STAT1: variants seen among roughly 807,000 people sequenced by gnomAD.
The protein encoded by STAT1 is signal transducer and activator of transcription 1.
STAT1 carries 24 observed loss-of-function variants against 111.7 expected under a neutral mutation model. That is an observed-to-expected ratio of 0.21 (90% CI 0.16 to 0.30). The LOEUF (loss-of-function observed/expected upper bound fraction) is 0.30, where lower values mean the gene tolerates loss of function less well. Ranked by LOEUF, STAT1 falls within the 10% of genes least tolerant of loss-of-function variation. The pLI is 1.00. For synonymous variants in STAT1, 332 were observed against 326.5 expected (o/e 1.02, Z -0.18); for missense variants, 351 against 911.9 (o/e 0.38, Z 7.92).
rs765862615 is a variant in STAT1, at chr2:190,991,284, C to T, written c.981G>A (p.Thr327=). The stretch of plus-strand genomic sequence containing the variant: ...TCAAGACCAGCGGCCTCTGAGGGTG[C>T]GTTGGCATGCAGGGCTGTCTTTCCA... ...FVVERQPCMP[T]HPQRPLVLKT... Residue 327 remains threonine (T), a synonymous_variant, in exon 11 of 25, where the codon ACG becomes ACA. Transcript: ENST00000361099. 8.7e-6 allele frequency: 14 copies of T among 1,614,030 alleles called. No homozygotes were observed. Among genetic ancestry groups the T allele is most frequent in the Admixed American group, 3.3e-5 (2 of 60,002 alleles).
Position 190,984,413 on chromosome 2 carries a change from GAAGAA to G in STAT1, c.1264-25_1264-21del, listed in dbSNP as rs762315597. On this transcript the variant is annotated intron_variant, in intron 15 of 24. Coordinates refer to ENST00000361099, the MANE Select transcript of STAT1 (RefSeq NM_007315.4). This position sits in a 1 kb window ranked among gnomAD's most constrained non-coding sequence, Gnocchi z 5.2. Reference sequence around the variant, plus strand: ...AGGACCCTTGGAAGAGAAAAGGAAAGAAGAAAAGAATATAATTATTCACAGATCCT... The same window carrying G: ...AGGACCCTTGGAAGAGAAAAGGAAAGAAGAATATAATTATTCACAGATCCT... 5.6e-6 allele frequency: 9 copies of G among 1,596,816 alleles called. No homozygotes were observed. Among genetic ancestry groups the G allele is most frequent in the Non-Finnish European group, 7.7e-6 (9 of 1,164,654 alleles).
Position 190,974,966 on chromosome 2 carries a change from C to T in STAT1, c.2136-34G>A. On this transcript the variant is annotated intron_variant, in intron 23 of 24. Coordinates refer to ENST00000361099, the MANE Select transcript of STAT1 (RefSeq NM_007315.4). This position sits in a 1 kb window ranked among gnomAD's most constrained non-coding sequence, Gnocchi z 4.8. ...GGGAAAAAGAAAAGAGCAATGTCAA[C>T]ATCTGAGTGATGAAAGCACTAGTGC... 1 of 1,490,620 alleles carries T rather than the reference C, an allele frequency of 6.7e-7. No homozygotes were observed. The allele number at this position is 1,490,620 out of a possible 1,614,324, so 92.3% of individuals were successfully genotyped here.
chr2:190,995,975 G>C lies in STAT1; in HGVS notation c.786-756C>G, dbSNP rs771708265. Among the ~76,000 whole-genome samples the C allele has an allele frequency of 6.6e-6, 1 of 152,138 alleles. No individual in the cohort carries two copies. The highest frequency in any genetic ancestry group is 1.5e-5 in the Non-Finnish European group (1 of 68,016). On this transcript the variant is annotated intron_variant, in intron 9 of 24. Coordinates refer to ENST00000361099, the MANE Select transcript of STAT1 (RefSeq NM_007315.4). The surrounding 1 kb of genome is among the most constrained non-coding windows in gnomAD (Gnocchi z 4.2). ...AAGAGGCAGCAAAGAGCCACTGCAG[G>C]TTCTGTCAAGAGAGTGGCATCAGCA...
chr2:191,002,137 CT>C (rs898061245), intron 5 of STAT1, among the ~76,000 whole-genome samples: 52 of 152,252 alleles, frequency 3.4e-4, no homozygotes, highest in African/African-American at 1.2e-3. Flanking sequence ...GCAAGGTTTC[CT>C]TTTTTTCTTT....
chr2:190,983,563 G>A lies in STAT1; in HGVS notation c.1446+79C>T. The stretch of plus-strand genomic sequence containing the variant: ...CTTCTCCCTTAACAACTGGCCATTG[G>A]GGCTATTTCAGAGATGCAGCAGTGA... On this transcript the variant is annotated intron_variant, in intron 17 of 24. Transcript: ENST00000361099. The surrounding 1 kb of genome is among the most constrained non-coding windows in gnomAD (Gnocchi z 5.7). 1 of 1,264,186 alleles carries A rather than the reference G, an allele frequency of 7.9e-7. No homozygotes were observed. Among genetic ancestry groups the A allele is most frequent in the Middle Eastern group, 1.9e-4 (1 of 5,138 alleles). The allele number at this position is 1,264,186 out of a possible 1,614,324, so 78.3% of individuals were successfully genotyped here.
intron 10 of STAT1, among the ~76,000 whole-genome samples, chr2:190,994,348 G>A (rs1388667749): frequency 1.3e-5 from 2 of 152,142 alleles, no homozygotes; most frequent in African/African-American, 2.4e-5. Context: ...AGGTGATGAG[G>A]AACCAGAATG....
In STAT1 at chr2:190,987,938, G is replaced by A. The variant is rs149587807; in HGVS notation, c.1098-870C>T. 8.1e-4 allele frequency among the ~76,000 whole-genome samples: 124 copies of A among 152,352 alleles called. No homozygotes were observed. The highest frequency in any genetic ancestry group is 2.8e-3 in the African/African-American group (116 of 41,580). ...CTGACTTGTCAAAGCTAAGAAGACC[G>A]TCAGAGCTGGAACCGACAGAAAAGA... On this transcript the variant is annotated intron_variant, in intron 12 of 24. Coordinates refer to ENST00000361099, the MANE Select transcript of STAT1 (RefSeq NM_007315.4). The surrounding 1 kb of genome is among the most constrained non-coding windows in gnomAD (Gnocchi z 4.0).
In STAT1 at chr2:190,980,251, G is replaced by T. The variant is rs117475731; in HGVS notation, c.1632+369C>A. On this transcript the variant is annotated intron_variant, in intron 19 of 24. Transcript: ENST00000361099. This position sits in a 1 kb window ranked among gnomAD's most constrained non-coding sequence, Gnocchi z 6.1. ...CAGAATCTAAATGTTCCCCGCAGTG[G>T]GCCCCTCTGCTCGAGCAGGCCGTTA... Among the ~76,000 whole-genome samples, 277 of 152,370 alleles carry T rather than the reference G, an allele frequency of 1.8e-3. 3 individuals are homozygous for T. In the East Asian group the frequency reaches 0.045, roughly 25 times the overall value.
intron 10 of STAT1, chr2:190,992,793 CT>C (rs112075173): frequency 0.11 from 42,142 of 370,084 alleles, 3 homozygotes; most frequent in East Asian, 0.15. Context: ...TGCATTCTTT[CT>C]TTTTTTTTTT....
At chr2:191,009,797 A>G in intron 3 of STAT1, 79 bp downstream of exon 3, 1 of 1,571,488 alleles carries the variant, frequency 6.4e-7, no homozygotes, top group Non-Finnish European at 8.7e-7. Flanking sequence ...ATCTTCCAGT[A>G]AACATGGCCC....
chr2:191,008,008 T>C (rs753051016), intron 4 of STAT1: 25 of 463,992 alleles, frequency 5.4e-5, no homozygotes, highest in Non-Finnish European at 1.1e-4. Context: ...ATAAAAACTA[T>C]ACATGACATT....
rs1694805838 is a variant in STAT1 at position 191,007,640 on chromosome 2, T to C, written c.295A>G (p.Ile99Val). 8 of 1,613,376 alleles carry C rather than the reference T, an allele frequency of 5.0e-6. No homozygotes were observed. Among genetic ancestry groups the C allele is most frequent in the Non-Finnish European group, 6.8e-6 (8 of 1,179,714 alleles). The change falls in exon 5 of 25, where the codon ATC (isoleucine) becomes GTC (valine). Residue 99 changes from isoleucine to valine, a missense_variant. Coordinates refer to ENST00000361099, the MANE Select transcript of STAT1 (RefSeq NM_007315.4). The surrounding 1 kb of genome is among the most constrained non-coding windows in gnomAD (Gnocchi z 4.2). ...CTGTAAATGATCATAGACATCTGGA[T>C]TGGGTCTTCCTGAAAATTATCCTAG... The part of the protein sequence containing the change: ...NLQDNFQEDP[I>V]QMSMIIYSCL...
At position 190,986,476 on chromosome 2, in the gene STAT1, G is replaced by A. The variant is rs1359226281; in HGVS notation, c.1221+378C>T. On this transcript the variant is annotated intron_variant, in intron 14 of 24. Coordinates refer to ENST00000361099, the MANE Select transcript of STAT1 (RefSeq NM_007315.4). This position sits in a 1 kb window ranked among gnomAD's most constrained non-coding sequence, Gnocchi z 5.0. Reference sequence around the variant, plus strand: ...CAGGAAGGGGAACACGGGGGCTGAGGAGTGAACCCTGGTGTACAGGACCAC... The same window carrying A: ...CAGGAAGGGGAACACGGGGGCTGAGAAGTGAACCCTGGTGTACAGGACCAC... 1.3e-5 allele frequency among the ~76,000 whole-genome samples: 2 copies of A among 152,196 alleles called. No homozygotes were observed. Among genetic ancestry groups the A allele is most frequent in the Non-Finnish European group, 2.9e-5 (2 of 68,032 alleles).
Position 190,984,543 on chromosome 2 carries a change from T to A in STAT1, c.1264-150A>T, listed in dbSNP as rs957686090. 3 of 691,402 alleles carry A rather than the reference T, an allele frequency of 4.3e-6. No individual in the cohort carries two copies. Among genetic ancestry groups the A allele is most frequent in the Non-Finnish European group, 7.8e-6 (3 of 386,258 alleles). The allele number at this position is 691,402 out of a possible 1,614,324, so 42.8% of individuals were successfully genotyped here. On this transcript the variant is annotated intron_variant, in intron 15 of 24. Coordinates refer to ENST00000361099, the MANE Select transcript of STAT1 (RefSeq NM_007315.4). This position sits in a 1 kb window ranked among gnomAD's most constrained non-coding sequence, Gnocchi z 5.2. The stretch of plus-strand genomic sequence containing the variant: ...ACTCAATATTCAATCTCTCCCAGAT[T>A]TAATGATTCTTAGTATCTCAGTGTG...
Position 190,973,649 on chromosome 2 carries a change from G to A in STAT1, c.2238+1181C>T, listed in dbSNP as rs1559004204. Reference sequence around the variant, plus strand: ...CCAGGCCTATAGCAGTGTTGGGAGCGAAACTCTAGCAGGATCCTTCTTACA... The same window carrying A: ...CCAGGCCTATAGCAGTGTTGGGAGCAAAACTCTAGCAGGATCCTTCTTACA... On this transcript the variant is annotated intron_variant, in intron 24 of 24. Transcript: ENST00000361099. This position sits in a 1 kb window ranked among gnomAD's most constrained non-coding sequence, Gnocchi z 4.4. Among the ~76,000 whole-genome samples, 1 of 152,206 alleles carries A rather than the reference G, an allele frequency of 6.6e-6. No homozygotes were observed. Among genetic ancestry groups the A allele is most frequent in the Non-Finnish European group, 1.5e-5 (1 of 68,008 alleles).
In STAT1 at chr2:191,000,656, T is replaced by C. The variant is rs1205049543; in HGVS notation, c.462+418A>G. 6.6e-6 allele frequency among the ~76,000 whole-genome samples: 1 copy of C among 152,250 alleles called. No homozygotes were observed. Among genetic ancestry groups the C allele is most frequent in the African/African-American group, 2.4e-5 (1 of 41,466 alleles). On this transcript the variant is annotated intron_variant, in intron 6 of 24. Coordinates refer to ENST00000361099, the MANE Select transcript of STAT1 (RefSeq NM_007315.4). This position sits in a 1 kb window ranked among gnomAD's most constrained non-coding sequence, Gnocchi z 4.8. ...AATCAGAAATGTATCCAAATTTCTT[T>C]CAATAAAATGTATTTTTGTTCCTCT... is the stretch of plus-strand genomic sequence containing the variant.
chr2:190,983,199 G>A lies in STAT1; in HGVS notation c.1446+443C>T, dbSNP rs1467256147. 6.6e-6 allele frequency among the ~76,000 whole-genome samples: 1 copy of A among 152,194 alleles called. No individual in the cohort carries two copies. On this transcript the variant is annotated intron_variant, in intron 17 of 24. Transcript: ENST00000361099. This position sits in a 1 kb window ranked among gnomAD's most constrained non-coding sequence, Gnocchi z 5.7. ...TGGGTTGACAAAAATGTTGTGACCA[G>A]AGGCTTGAAGGAACCTAGCCTCGTA...
chr2:191,004,912 T>A lies in STAT1; in HGVS notation c.372+2651A>T, dbSNP rs1236041885. On this transcript the variant is annotated intron_variant, in intron 5 of 24. Transcript: ENST00000361099. The surrounding 1 kb of genome is among the most constrained non-coding windows in gnomAD (Gnocchi z 5.0). ...CAGACCCTATGGACCTAAATTTTTG[T>A]CTAGACATGCAACTAGCTTTTTCAC... Among the ~76,000 whole-genome samples the A allele has an allele frequency of 6.6e-6, 1 of 152,036 alleles. No homozygotes were observed. Among genetic ancestry groups the A allele is most frequent in the African/African-American group, 2.4e-5 (1 of 41,388 alleles).
Position 190,993,884 on chromosome 2 carries a change from G to A in STAT1, c.944+1177C>T, listed in dbSNP as rs1693596957. Reference sequence around the variant, plus strand: ...TGTCTAGAGAGCCTACTGTTCACAAGGCACTGCGCTAGGTCCTGCTGGGGG... The same window carrying A: ...TGTCTAGAGAGCCTACTGTTCACAAAGCACTGCGCTAGGTCCTGCTGGGGG... On this transcript the variant is annotated intron_variant, in intron 10 of 24. Coordinates refer to ENST00000361099, the MANE Select transcript of STAT1 (RefSeq NM_007315.4). This position sits in a 1 kb window ranked among gnomAD's most constrained non-coding sequence, Gnocchi z 4.1. 6.6e-6 allele frequency among the ~76,000 whole-genome samples: 1 copy of A among 152,090 alleles called. No homozygotes were observed. Among genetic ancestry groups the A allele is most frequent in the Non-Finnish European group, 1.5e-5 (1 of 68,018 alleles).
Sources: gnomAD v4.1 joint callset for allele counts (sites outside exome capture counted in the v4.1 genomes callset) on GRCh38, gnomAD v4.1.1 for gene constraint, Gnocchi (gnomAD v3.1) non-coding constraint, MANE v1.5 for transcripts, NCBI Gene and HGNC (gene_info 2026-07-23, HGNC 2026-07-21) for gene names.